DSC3: variants seen among roughly 807,000 people sequenced by gnomAD.
DSC3 encodes desmocollin 3.
In DSC3, 97 loss-of-function variants were observed where a neutral mutation model predicts 89.5. The observed-to-expected ratio is 1.08, with a 90% CI of 0.92 to 1.28. The LOEUF (loss-of-function observed/expected upper bound fraction) is 1.28. Ranked by LOEUF, DSC3 falls within the 50% of genes most tolerant of loss-of-function variation. The probability of loss-of-function intolerance (pLI) is 0.00; values close to 1 mark genes in which losing one functional copy is unlikely to be tolerated. For synonymous variants in DSC3, 436 were observed against 384.1 expected (o/e 1.14, Z -1.58); for missense variants, 1,199 against 1,085.3 (o/e 1.10, Z -1.47).
intron 1 of DSC3, among the ~76,000 whole-genome samples, chr18:31,039,757 T>C (rs1328595650): frequency 6.6e-6 from 1 of 152,198 alleles, no homozygotes; most frequent in Non-Finnish European, 1.5e-5. Context: ...TGAGCTTACA[T>C]TTATTTATTC....
At chr18:31,032,492 A>G (rs1985824095) in intron 1 of DSC3, among the ~76,000 whole-genome samples, 1 of 151,722 alleles carries the variant, frequency 6.6e-6, no homozygotes, top group African/African-American at 2.4e-5. Context: ...AAACAGAATC[A>G]TTTCTTCTAA....
chr18:31,029,212 A>G (rs1985697652), intron 4 of DSC3, among the ~76,000 whole-genome samples: 1 of 152,144 alleles, frequency 6.6e-6, no homozygotes, highest in South Asian at 2.1e-4. Flanking sequence ...AAGGGCCATG[A>G]CTAAATTTAC....
rs776504129 is a variant in DSC3, at chr18:31,008,502, A to C, written c.1287T>G (p.Arg429=). Residue 429 remains arginine, a synonymous_variant, in exon 10 of 16, where the codon CGT becomes CGG. Coordinates refer to ENST00000360428, the MANE Select transcript of DSC3 (RefSeq NM_001941.5). Reference sequence around the variant, plus strand: ...TTACTCCAATTTCCAGGTTCACTTGACGGTTTTCTTCATAATTCAGTGGCT... The same window carrying C: ...TTACTCCAATTTCCAGGTTCACTTGCCGGTTTTCTTCATAATTCAGTGGCT... ...VVKPLNYEEN[R]QVNLEIGVNN... 6.2e-7 allele frequency: 1 copy of C among 1,614,104 alleles called. No homozygotes were observed. Among genetic ancestry groups the C allele is most frequent in the South Asian group, 1.1e-5 (1 of 91,086 alleles).
chr18:31,033,545 G>GA (rs924541961), intron 1 of DSC3, among the ~76,000 whole-genome samples: 11 of 151,528 alleles, frequency 7.3e-5, no homozygotes, highest in African/African-American at 9.7e-5. Context: ...ATATCTTCCT[G>GA]AAAAAAAAGT....
chr18:31,036,573 A>T (rs1004339215), intron 1 of DSC3, among the ~76,000 whole-genome samples: 14 of 151,748 alleles, frequency 9.2e-5, no homozygotes, highest in Admixed American at 2.6e-4. Context: ...CTTTTTTTTT[A>T]AAGTAGTATT....
intron 9 of DSC3, among the ~76,000 whole-genome samples, chr18:31,016,048 A>G (rs981345366): frequency 2.6e-5 from 4 of 152,182 alleles, no homozygotes; most frequent in Non-Finnish European, 4.4e-5. Flanking sequence ...CACCAGCGCC[A>G]TGATGGTTTA....
chr18:31,040,317 A>G (rs1240566740), intron 1 of DSC3, among the ~76,000 whole-genome samples: 2 of 152,244 alleles, frequency 1.3e-5, no homozygotes, highest in East Asian at 3.9e-4. Context: ...ATTAACACAT[A>G]TTTTTAAAAG....
At chr18:31,026,595 T>C (rs1243494474) in intron 4 of DSC3, among the ~76,000 whole-genome samples, 1 of 152,056 alleles carries the variant, frequency 6.6e-6, no homozygotes, top group Non-Finnish European at 1.5e-5. Context: ...ATTCTGGATA[T>C]AATTTAAAGG....
chr18:31,038,845 T>C (rs78981636), intron 1 of DSC3, among the ~76,000 whole-genome samples: 1,800 of 152,150 alleles, frequency 0.012, 38 homozygotes, highest in African/African-American at 0.04. Flanking sequence ...CTTTGCTGCA[T>C]AGGATATTAT....
At chr18:31,033,670 T>C (rs1239453595) in intron 1 of DSC3, among the ~76,000 whole-genome samples, 13 of 152,144 alleles carry the variant, frequency 8.5e-5, no homozygotes, top group Admixed American at 8.5e-4. Context: ...CTTTATGATG[T>C]TGGGTTAGGA....
At chr18:31,031,341 C>A (rs925153488) in intron 2 of DSC3, among the ~76,000 whole-genome samples, 169 bp from the exon 3 acceptor site, 4 of 152,162 alleles carry the variant, frequency 2.6e-5, no homozygotes, top group African/African-American at 9.7e-5. Context: ...AAAAAATGAT[C>A]ATTTTCTTTC....
rs1986175581 is a variant in DSC3, at chr18:31,042,666, T to C, written c.-6A>G. 1 of 1,548,750 alleles carries C rather than the reference T, an allele frequency of 6.5e-7. No individual in the cohort carries two copies. Among genetic ancestry groups the C allele is most frequent in the Non-Finnish European group, 8.7e-7 (1 of 1,146,098 alleles). On this transcript the variant is annotated 5_prime_UTR_variant, in exon 1 of 16. Coordinates refer to ENST00000360428, the MANE Select transcript of DSC3 (RefSeq NM_001941.5). ...CGGGGCCCAGCGGCGGCCATCGGGA[T>C]GCCGGGCAGGGCCAGGAGAACGCGG... is the stretch of plus-strand genomic sequence containing the variant.
At chr18:31,008,902 C>T (rs940966918) in intron 9 of DSC3, among the ~76,000 whole-genome samples, 1 of 152,060 alleles carries the variant, frequency 6.6e-6, no homozygotes, top group Non-Finnish European at 1.5e-5. Flanking sequence ...TGGGAAGTTG[C>T]CTTTATTTGG....
In DSC3 at chr18:31,008,140, A is replaced by T. The variant is rs200118808; in HGVS notation, c.1539T>A (p.Asp513Glu). ...GNGLRYKKLH[D>E]PKGWITIDEI... ...CATCAATGGTGATCCAACCTTTAGG[A>T]TCATGCAATTTTTTGTACCTGTTAA... The change falls in exon 11 of 16, where the codon GAT (aspartate) becomes GAA (glutamate). Residue 513 changes from aspartate to glutamate, a missense_variant. Asp to Glu is a conservative substitution (Grantham distance 45). Coordinates refer to ENST00000360428, the MANE Select transcript of DSC3 (RefSeq NM_001941.5). 1 of 1,612,022 alleles carries T rather than the reference A, an allele frequency of 6.2e-7. No individual in the cohort carries two copies. Among genetic ancestry groups the T allele is most frequent in the East Asian group, 2.2e-5 (1 of 44,820 alleles).
At chr18:31,000,998 C>CAT (rs955968480) in intron 14 of DSC3, among the ~76,000 whole-genome samples, 3 of 144,808 alleles carry the variant, frequency 2.1e-5, no homozygotes, top group Non-Finnish European at 3.0e-5. Flanking sequence ...ATTTTGTGTA[C>CAT]ATATATATAT....
Position 30,994,029 on chromosome 18 carries a change from G to C in DSC3, c.*146C>G, listed in dbSNP as rs1486944727. ...TTTTGGAAAAGATAAGCAACAACTT[G>C]CTTTAAAAATATAAATTGGTGAGTA... On this transcript the variant is annotated 3_prime_UTR_variant, in exon 16 of 16. Transcript: ENST00000360428. 2.5e-6 allele frequency: 2 copies of C among 803,948 alleles called. No homozygotes were observed. Among genetic ancestry groups the C allele is most frequent in the East Asian group, 5.6e-5 (2 of 35,858 alleles). 49.8% of individuals were successfully genotyped at this position (803,948 alleles called of 1,614,324 possible). A position where few individuals can be genotyped will look rare whatever the true frequency, so the allele number is the denominator to read the frequency against.
At chr18:31,017,433 T>G (rs1412578704) in intron 9 of DSC3, among the ~76,000 whole-genome samples, 1 of 152,146 alleles carries the variant, frequency 6.6e-6, no homozygotes, top group Non-Finnish European at 1.5e-5. Flanking sequence ...GATCCCTTCC[T>G]ACCCTCATAA....
intron 5 of DSC3, 115 bp downstream of exon 5, chr18:31,025,645 T>C (rs1985571209): frequency 2.6e-6 from 3 of 1,158,852 alleles, no homozygotes; most frequent in Non-Finnish European, 3.9e-6. Flanking sequence ...TCCCATTGAC[T>C]CTAAGATACC....
chr18:31,011,297 G>T (rs552001021), intron 9 of DSC3, among the ~76,000 whole-genome samples: 1 of 152,200 alleles, frequency 6.6e-6, no homozygotes, highest in African/African-American at 2.4e-5. Context: ...TCACAGAGGC[G>T]AATGAAGGGA....
Sources: gnomAD v4.1 joint callset for allele counts (sites outside exome capture counted in the v4.1 genomes callset) on GRCh38, gnomAD v4.1.1 for gene constraint, MANE v1.5 for transcripts, NCBI Gene and HGNC (gene_info 2026-07-23, HGNC 2026-07-21) for gene names.